The following PRRC2B variants were observed in gnomAD, a reference collection of about 807,000 sequenced individuals.
PRRC2B encodes the protein protein PRRC2B.
PRRC2B carries 68 observed loss-of-function variants against 242.3 expected under a neutral mutation model. That is an observed-to-expected ratio of 0.28 (90% CI 0.23 to 0.34). The LOEUF (loss-of-function observed/expected upper bound fraction) is 0.34, where lower values mean the gene tolerates loss of function less well. Among genes scored for constraint, PRRC2B ranks in the 10% least tolerant of loss-of-function variants. PRRC2B has a pLI of 1.00. For synonymous variants in PRRC2B, 1,228 were observed against 1,173.6 expected (o/e 1.05, Z -0.95); for missense variants, 2,835 against 2,954.8 (o/e 0.96, Z 0.94).
intron 1 of PRRC2B, among the ~76,000 whole-genome samples, chr9:131,412,044 C>T (rs576767432): frequency 4.6e-5 from 7 of 151,906 alleles, no homozygotes; most frequent in South Asian, 2.1e-4. Context: ...TCACCTCAAG[C>T]GATCCTCTCA....
At chr9:131,426,306 C>G (rs141577529) in intron 1 of PRRC2B, among the ~76,000 whole-genome samples, 274 of 138,510 alleles carry the variant, frequency 2.0e-3, no homozygotes, top group African/African-American at 7.3e-3. Flanking sequence ...CCACTGCACT[C>G]CAGCCTGAGC....
chr9:131,455,018 G>A (rs944469656), intron 9 of PRRC2B, 58 bp from the exon 10 acceptor site: 5 of 1,371,534 alleles, frequency 3.6e-6, no homozygotes, highest in Admixed American at 1.9e-5. Context: ...CACCACGTCC[G>A]GCCACCACTG....
Position 131,374,173 on chromosome 9 carries a change from C to T in PRRC2B, c.-56+442C>T, listed in dbSNP as rs1279797215. 2.0e-5 allele frequency among the ~76,000 whole-genome samples: 3 copies of T among 151,578 alleles called. 1 individual carries two copies. The highest frequency in any genetic ancestry group is 4.4e-5 in the Non-Finnish European group (3 of 67,978). On this transcript the variant is annotated intron_variant, in intron 1 of 1. Coordinates refer to the PRRC2B transcript ENST00000682525. The stretch of plus-strand genomic sequence containing the variant: ...ACATTGTATGCATGTATCAAAATAA[C>T]ACATATACCCCCCAAATAAGACCTA...
chr9:131,471,171 T>A (rs1310134844), intron 14 of PRRC2B, among the ~76,000 whole-genome samples, 188 bp downstream of exon 14: 3 of 152,232 alleles, frequency 2.0e-5, no homozygotes, highest in Non-Finnish European at 2.9e-5. Context: ...TCATAAAGAT[T>A]TGTTGGGAAA....
chr9:131,413,164 G>A (rs916790816), intron 1 of PRRC2B, among the ~76,000 whole-genome samples: 15 of 152,100 alleles, frequency 9.9e-5, no homozygotes, highest in African/African-American at 3.6e-4. Flanking sequence ...CAAGCATTAG[G>A]TCATAGCCTG....
intron 1 of PRRC2B, among the ~76,000 whole-genome samples, chr9:131,406,145 T>A (rs1837355859): frequency 6.6e-6 from 1 of 152,112 alleles, no homozygotes; most frequent in African/African-American, 2.4e-5. Context: ...GGGGCTTGTT[T>A]GTTACCTAGG....
chr9:131,414,565 A>G (rs370028376), intron 1 of PRRC2B, among the ~76,000 whole-genome samples: 2 of 148,032 alleles, frequency 1.4e-5, no homozygotes, highest in African/African-American at 5.0e-5. Flanking sequence ...TGCGGCTACC[A>G]TCTTGGGCTT....
rs369533990 is a variant in PRRC2B, at chr9:131,491,467, C to T, written c.6268C>T (p.Leu2090=). Residue 2090 remains leucine, a synonymous_variant, in exon 29 of 32, where the codon CTG becomes TTG. Transcript: ENST00000683519. ...TCGGTACGGCTCCGGGCAGCAGCCA[C>T]TGATCCTGCCCCAGTCTATTCAGCT... ...LPRYGSGQQP[L]ILPQSIQLPP... is the part of the protein sequence containing the mutation. 45 of 1,611,574 alleles carry T rather than the reference C, an allele frequency of 2.8e-5. 1 individual carries two copies. In the African/African-American group the frequency reaches 5.3e-4, roughly 19 times the overall value.
intron 1 of PRRC2B, among the ~76,000 whole-genome samples, chr9:131,375,411 AAAAAT>A (rs916466346): frequency 2.6e-5 from 4 of 152,110 alleles, no homozygotes; most frequent in Admixed American, 6.6e-5. Context: ...AAAAAATAAA[AAAAAT>A]AAAAAAATAA....
At chr9:131,395,161 T>C (rs1837012085) in intron 1 of PRRC2B, among the ~76,000 whole-genome samples, 1 of 150,818 alleles carries the variant, frequency 6.6e-6, no homozygotes, top group African/African-American at 2.5e-5. Flanking sequence ...AGTGGTGAGC[T>C]TGAAGGAAGT....
At chr9:131,439,834 A>G (rs1838498753) in intron 5 of PRRC2B, among the ~76,000 whole-genome samples, 1 of 152,102 alleles carries the variant, frequency 6.6e-6, no homozygotes, top group Admixed American at 6.6e-5. Flanking sequence ...CCCGGGCTCA[A>G]GCAATCCTCC....
At chr9:131,385,137 A>G (rs1836810624) in intron 1 of PRRC2B, among the ~76,000 whole-genome samples, 1 of 150,830 alleles carries the variant, frequency 6.6e-6, no homozygotes, top group Admixed American at 6.7e-5. Flanking sequence ...CCTCCCGAGT[A>G]GCTGGGATTA....
chr9:131,443,454 G>C (rs571124449), intron 5 of PRRC2B, among the ~76,000 whole-genome samples: 7 of 150,290 alleles, frequency 4.7e-5, no homozygotes, highest in African/African-American at 1.5e-4. Flanking sequence ...TATTTTTAGA[G>C]AGAGGGTCTC....
chr9:131,488,107 C>T lies in PRRC2B; in HGVS notation c.6225+11C>T, dbSNP rs752609693. ...TCCCAGCTCCCACAGGTCAGGAATT[C>T]AGTCACTCTACCCAAAGCCCTAGGC... On this transcript the variant is annotated intron_variant, in intron 28 of 31. Transcript: ENST00000683519. 3.1e-6 allele frequency: 5 copies of T among 1,610,512 alleles called. No homozygotes were observed. The African/African-American group carries it at 5.3e-5, about 17-fold the overall frequency.
chr9:131,478,386 T>G, intron 17 of PRRC2B, 88 bp from the exon 18 acceptor site: 1 of 1,271,440 alleles, frequency 7.9e-7, no homozygotes. Context: ...TCGAGCCTGA[T>G]GCTAGATCTC....
chr9:131,467,844 C>T (rs764416469), intron 13 of PRRC2B, 91 bp downstream of exon 13: 1 of 1,360,676 alleles, frequency 7.3e-7, no homozygotes, highest in East Asian at 2.4e-5. Context: ...CCACCTCCAA[C>T]TTAGAAAAAG....
intron 1 of PRRC2B, among the ~76,000 whole-genome samples, chr9:131,422,260 G>A (rs1837864016): frequency 6.6e-6 from 1 of 151,992 alleles, no homozygotes; most frequent in South Asian, 2.1e-4. Flanking sequence ...TCACCATGTT[G>A]GCCAGCATGG....
chr9:131,376,284 G>T (rs1163394510), intron 1 of PRRC2B, among the ~76,000 whole-genome samples: 1 of 151,772 alleles, frequency 6.6e-6, no homozygotes, highest in Non-Finnish European at 1.5e-5. Context: ...AACCTGGGTG[G>T]TGGAGGTTGC....
Position 131,477,861 on chromosome 9 carries a change from T to G in PRRC2B, c.4524T>G (p.Ser1508Arg). The change falls in exon 17 of 32, where the codon AGT becomes AGG. Residue 1508 changes from serine (S) to arginine (R), a missense_variant. By Grantham distance (110) the Ser-to-Arg change is moderately radical. Coordinates refer to ENST00000683519, the MANE Select transcript of PRRC2B (RefSeq NM_013318.4). Reference protein sequence around the residue: ...HASADLPEASSKKAEKEAKLA... With the variant: ...HASADLPEASRKKAEKEAKLA... Reference sequence around the variant, plus strand: ...GTGCTGACCTTCCCGAAGCCTCCAGTAAAAAGGCAGAGAAGGAGGCCAAGT... The same window carrying G: ...GTGCTGACCTTCCCGAAGCCTCCAGGAAAAAGGCAGAGAAGGAGGCCAAGT... 1 of 1,613,510 alleles carries G rather than the reference T, an allele frequency of 6.2e-7. No homozygotes were observed. Among genetic ancestry groups the G allele is most frequent in the Non-Finnish European group, 8.5e-7 (1 of 1,179,742 alleles).
Sources: allele counts gnomAD v4.1 joint callset (sites outside exome capture counted in the v4.1 genomes callset), GRCh38; gene constraint gnomAD v4.1.1; transcripts MANE v1.5; gene names NCBI Gene and HGNC (gene_info 2026-07-23, HGNC 2026-07-21).